CNTN4: variants seen among roughly 807,000 people sequenced by gnomAD.
The protein encoded by CNTN4 is contactin-4.
Under a neutral mutation model 122.5 loss-of-function variants are expected in CNTN4, and 77 were observed. The observed-to-expected ratio is 0.63, with a 90% CI of 0.52 to 0.76. The LOEUF (loss-of-function observed/expected upper bound fraction) is 0.76, where lower values mean the gene tolerates loss of function less well. CNTN4 is among the 30% of genes least tolerant of loss of function. The probability of loss-of-function intolerance (pLI) is 0.00; values close to 1 mark genes in which losing one functional copy is unlikely to be tolerated. For missense variants in CNTN4, 1,256 were observed against 1,259.1 expected (o/e 1.00, Z 0.04); for synonymous variants, 512 against 447.0 (o/e 1.15, Z -1.83).
intron 13 of CNTN4, among the ~76,000 whole-genome samples, chr3:2,933,670 C>G (rs1056986083): frequency 6.6e-5 from 10 of 152,150 alleles, no homozygotes; most frequent in African/African-American, 2.4e-4. Context: ...TTTGAAAGGC[C>G]TTTTCTATTG....
chr3:2,740,730 T>C (rs1399702751), intron 5 of CNTN4, among the ~76,000 whole-genome samples: 3 of 152,092 alleles, frequency 2.0e-5, no homozygotes, highest in Admixed American at 2.0e-4. Context: ...GAGACTGGAG[T>C]CATCAGGTAG....
At chr3:2,467,275 T>C (rs1447103995) in intron 3 of CNTN4, among the ~76,000 whole-genome samples, 1 of 152,148 alleles carries the variant, frequency 6.6e-6, no homozygotes. Flanking sequence ...ATTTAGTTTC[T>C]AGCTAGAGTC....
At position 2,220,677 on chromosome 3, in the gene CNTN4, T is replaced by C. The variant is rs557009932; in HGVS notation, c.-144-118501T>C. On this transcript the variant is annotated intron_variant, in intron 2 of 24. Coordinates refer to ENST00000418658, the MANE Select transcript of CNTN4 (RefSeq NM_175607.3). ...CATCTGAAAAAAGGAAATAATGATA[T>C]CTCCTCATTGTTGTGATAATTACAT... Among the ~76,000 whole-genome samples the C allele has an allele frequency of 1.3e-4, 20 of 152,198 alleles. No homozygotes were observed. In the South Asian group the frequency reaches 3.9e-3, roughly 30 times the overall value.
At chr3:2,418,920 G>A (rs765177535) in intron 3 of CNTN4, among the ~76,000 whole-genome samples, 2 of 152,088 alleles carry the variant, frequency 1.3e-5, no homozygotes, top group South Asian at 2.1e-4. Context: ...CCTACAACCC[G>A]TAGGATGAAA....
At chr3:2,942,418 T>C (rs1400725354) in intron 13 of CNTN4, among the ~76,000 whole-genome samples, 2 of 152,220 alleles carry the variant, frequency 1.3e-5, no homozygotes, top group African/African-American at 4.8e-5. Context: ...TTATCGTGTT[T>C]ATAAAATTAA....
chr3:2,598,017 G>A (rs573882696), intron 4 of CNTN4, among the ~76,000 whole-genome samples: 3 of 152,178 alleles, frequency 2.0e-5, no homozygotes, highest in African/African-American at 7.2e-5. Context: ...TTCATGCCTT[G>A]GTTTCCTCAA....
intron 3 of CNTN4, among the ~76,000 whole-genome samples, chr3:2,356,168 A>G (rs2044863539): frequency 6.6e-6 from 1 of 152,142 alleles, no homozygotes; most frequent in East Asian, 1.9e-4. Flanking sequence ...ACCCTAAGAG[A>G]GAGTTCTTGG....
chr3:2,393,542 C>T (rs1347028517), intron 3 of CNTN4, among the ~76,000 whole-genome samples: 1 of 151,956 alleles, frequency 6.6e-6, no homozygotes, highest in Admixed American at 6.6e-5. Context: ...TATCTTTATT[C>T]TAGGGAGATA....
At chr3:3,031,592 C>CA (rs1553732029) in intron 16 of CNTN4, among the ~76,000 whole-genome samples, 3 of 151,974 alleles carry the variant, frequency 2.0e-5, no homozygotes, top group Non-Finnish European at 4.4e-5. Flanking sequence ...ATGACCCCCC[C>CA]GGCTGAGCAA....
chr3:2,472,441 G>A (rs1050425196), intron 3 of CNTN4, among the ~76,000 whole-genome samples: 6 of 152,088 alleles, frequency 3.9e-5, no homozygotes, highest in African/African-American at 1.4e-4. Flanking sequence ...GTTTTGTCAA[G>A]TTGGCCAGGC....
intron 2 of CNTN4, among the ~76,000 whole-genome samples, chr3:2,159,253 A>G (rs2149165728): frequency 6.6e-6 from 1 of 152,232 alleles, no homozygotes; most frequent in Non-Finnish European, 1.5e-5. Context: ...TATTTTTTGC[A>G]TTTGTAAAAG....
chr3:2,869,135 G>GA (rs1383100537), intron 8 of CNTN4, among the ~76,000 whole-genome samples: 1 of 152,158 alleles, frequency 6.6e-6, no homozygotes, highest in East Asian at 1.9e-4. Context: ...AGAAATAGGA[G>GA]AAATTAGCAG....
intron 2 of CNTN4, among the ~76,000 whole-genome samples, chr3:2,161,342 T>A (rs996018733): frequency 1.3e-5 from 2 of 152,072 alleles, no homozygotes; most frequent in African/African-American, 2.4e-5. Flanking sequence ...CAGAAAAATA[T>A]CATCACCAGA....
At chr3:2,837,156 C>T (rs906509117) in intron 7 of CNTN4, among the ~76,000 whole-genome samples, 1 of 152,000 alleles carries the variant, frequency 6.6e-6, no homozygotes, top group Non-Finnish European at 1.5e-5. Context: ...GCTTCCAGCT[C>T]AGCTCTTACA....
intron 13 of CNTN4, among the ~76,000 whole-genome samples, chr3:2,965,249 T>C (rs906364128): frequency 6.6e-6 from 1 of 152,186 alleles, no homozygotes; most frequent in Non-Finnish European, 1.5e-5. Flanking sequence ...CGCTATCCAA[T>C]CAATAATTAA....
At chr3:2,822,842 A>AGCT (rs2092906610) in intron 7 of CNTN4, among the ~76,000 whole-genome samples, 2 of 152,196 alleles carry the variant, frequency 1.3e-5, no homozygotes, top group Non-Finnish European at 2.9e-5. Flanking sequence ...TCTGAAATCC[A>AGCT]GTTCCTTGAG....
chr3:2,980,820 A>T (rs981647818), intron 13 of CNTN4, among the ~76,000 whole-genome samples: 15 of 152,134 alleles, frequency 9.9e-5, no homozygotes, highest in Admixed American at 4.6e-4. Flanking sequence ...TCTGATTTAC[A>T]TGGGGCCCAA....
At chr3:2,490,097 C>G (rs992892617) in intron 3 of CNTN4, among the ~76,000 whole-genome samples, 2 of 151,708 alleles carry the variant, frequency 1.3e-5, no homozygotes, top group African/African-American at 2.4e-5. Flanking sequence ...AAAAAAACCT[C>G]TCAAGTAACA....
chr3:2,667,604 C>T (rs1405273072), intron 4 of CNTN4, among the ~76,000 whole-genome samples: 3 of 150,850 alleles, frequency 2.0e-5, no homozygotes, highest in Non-Finnish European at 4.4e-5. Flanking sequence ...AATTAGATCC[C>T]ATTTGTCAAT....
Sources: gnomAD v4.1 joint callset for allele counts (sites outside exome capture counted in the v4.1 genomes callset) on GRCh38, gnomAD v4.1.1 for gene constraint, MANE v1.5 for transcripts, NCBI Gene and HGNC (gene_info 2026-07-23, HGNC 2026-07-21) for gene names.